Variants in PPL observed in about 807,000 individuals in gnomAD.
PPL encodes the protein periplakin.
A neutral mutation model predicts 194.4 loss-of-function variants in PPL; 198 were observed. The ratio of observed to expected loss-of-function variants is 1.02; its 90% confidence interval spans 0.91 to 1.15. The LOEUF is 1.15. Ranked by LOEUF, PPL falls within the 50% of genes most tolerant of loss-of-function variation. The pLI is 0.00. For synonymous variants in PPL, 1,220 were observed against 972.4 expected (o/e 1.25, Z -4.74); for missense variants, 2,885 against 2,294.8 (o/e 1.26, Z -5.25).
chr16:4,936,657 G>A (rs2089302856), intron 1 of PPL, among the ~76,000 whole-genome samples: 1 of 152,196 alleles, frequency 6.6e-6, no homozygotes, highest in Non-Finnish European at 1.5e-5. Context: ...CTCTGCGCAA[G>A]AGCGACCCTG....
At chr16:4,905,086 G>A (rs1013223807) in intron 2 of PPL, among the ~76,000 whole-genome samples, 20 of 152,128 alleles carry the variant, frequency 1.3e-4, no homozygotes, top group African/African-American at 4.8e-4. Flanking sequence ...CCCCAGTCCC[G>A]CAGGGGAGGC....
chr16:4,910,131 GC>G (rs1481986348), intron 2 of PPL, among the ~76,000 whole-genome samples: 7 of 152,272 alleles, frequency 4.6e-5, no homozygotes, highest in African/African-American at 1.4e-4. Flanking sequence ...GAGGCTTCAT[GC>G]CGTTGAGTCC....
chr16:4,900,264 A>G (rs1203139419), intron 6 of PPL, among the ~76,000 whole-genome samples: 1 of 152,086 alleles, frequency 6.6e-6, no homozygotes. Context: ...GTGGCATCAT[A>G]CTTGGCACAC....
intron 8 of PPL, 74 bp downstream of exon 8, chr16:4,898,939 C>T (rs561328654): frequency 5.4e-5 from 69 of 1,266,940 alleles, no homozygotes; most frequent in Non-Finnish European, 7.6e-5. Context: ...TCTGCCCGAG[C>T]TCCAGGCGGC....
rs751113704 is a variant in PPL, at chr16:4,883,628, C to T, written c.5027G>A (p.Arg1676His). The T allele has an allele frequency of 1.5e-5, 25 of 1,614,102 alleles. No homozygotes were observed. Among genetic ancestry groups the T allele is most frequent in the Admixed American group, 1.2e-4 (7 of 60,008 alleles). Residue 1676 changes from arginine (R) to histidine (H), a missense_variant, in exon 22 of 22, where the codon CGT becomes CAT. Transcript: ENST00000345988. The surrounding 1 kb of genome is among the most constrained non-coding windows in gnomAD (Gnocchi z 4.8). Reference protein sequence around the residue: ...GRELSPEEAHRAGLIDWNMFV... With the variant: ...GRELSPEEAHHAGLIDWNMFV... ...CATGTTCCAGTCAATGAGCCCGGCA[C>T]GGTGGGCTTCCTCCGGGGACAGCTC...
rs147949616 is a variant in PPL at position 4,888,896 on chromosome 16, G to A, written c.2397+82C>T. On this transcript the variant is annotated intron_variant, in intron 19 of 21. Coordinates refer to ENST00000345988, the MANE Select transcript of PPL (RefSeq NM_002705.5). ...AGCTCCACCCCCATGTGCCAGGGCC[G>A]GTGCTTGCTGCTTCTCTGACCAGGG... The A allele has an allele frequency of 7.3e-4, 997 of 1,369,420 alleles. 7 individuals are homozygous for A. The African/African-American group carries it at 0.012, about 16-fold the overall frequency. The allele number at this position is 1,369,420 out of a possible 1,614,324, so 84.8% of individuals were successfully genotyped here. A position where few individuals can be genotyped will look rare whatever the true frequency, so the allele number is the denominator to read the frequency against.
chr16:4,909,465 T>C (rs1343108757), intron 2 of PPL, among the ~76,000 whole-genome samples: 9 of 149,626 alleles, frequency 6.0e-5, no homozygotes, highest in Admixed American at 1.3e-4. Context: ...CTTACTCTGT[T>C]GCCCAGGCTG....
At chr16:4,900,802 G>A (rs1400018006) in intron 6 of PPL, 28 bp downstream of exon 6, 3 of 1,613,934 alleles carry the variant, frequency 1.9e-6, no homozygotes, top group Non-Finnish European at 2.5e-6. Flanking sequence ...CTCTCCCCAT[G>A]AGGCCTTTCC....
At chr16:4,900,166 C>T (rs891301373) in intron 6 of PPL, among the ~76,000 whole-genome samples, 2 of 152,090 alleles carry the variant, frequency 1.3e-5, no homozygotes, top group South Asian at 2.1e-4. Flanking sequence ...AACAAGGAAG[C>T]GTTTGCATAA....
chr16:4,891,746 G>A, intron 16 of PPL, 65 bp downstream of exon 16: 1 of 1,529,210 alleles, frequency 6.5e-7, no homozygotes, highest in Non-Finnish European at 8.8e-7. Flanking sequence ...AGACGGGCGG[G>A]TGGATGTGCC....
In PPL at chr16:4,885,965, T is replaced by C; in HGVS notation, c.2690A>G (p.Lys897Arg). 1.2e-6 allele frequency: 2 copies of C among 1,613,768 alleles called. No homozygotes were observed. Among genetic ancestry groups the C allele is most frequent in the Non-Finnish European group, 1.7e-6 (2 of 1,180,052 alleles). ...CCGCTCAGTCTCCTCATCCAGTTCC[T>C]TCCTGATCTTCCACGCCTCCTCCAC... ...SGVEEAWKIR[K>R]ELDEETERRR... The change falls in exon 22 of 22, where the codon AAG becomes AGG. Residue 897 changes from lysine to arginine, a missense_variant. Lys to Arg is a conservative substitution (Grantham distance 26, BLOSUM62 2). Transcript: ENST00000345988. This position sits in a 1 kb window ranked among gnomAD's most constrained non-coding sequence, Gnocchi z 6.3.
At chr16:4,899,414 C>A (rs1010192741) in intron 6 of PPL, 30 bp from the exon 7 acceptor site, 6 of 1,559,302 alleles carry the variant, frequency 3.8e-6, no homozygotes, top group Non-Finnish European at 5.2e-6. Flanking sequence ...GAAAGGGCTG[C>A]GTCCTCAGCC....
chr16:4,923,506 C>A (rs979079048), intron 1 of PPL, among the ~76,000 whole-genome samples: 1 of 152,182 alleles, frequency 6.6e-6, no homozygotes, highest in Non-Finnish European at 1.5e-5. Context: ...TGGAAGGGGG[C>A]TCCCTGGGTG....
At chr16:4,895,465 G>C (rs2088408428) in intron 10 of PPL, 58 bp from the exon 11 acceptor site, 1 of 1,605,842 alleles carries the variant, frequency 6.2e-7, no homozygotes, top group Admixed American at 1.7e-5. Flanking sequence ...CCTGGTGGGA[G>C]GACGCAGAGC....
chr16:4,894,920 C>T (rs1478387439), intron 11 of PPL, among the ~76,000 whole-genome samples: 1 of 152,220 alleles, frequency 6.6e-6, no homozygotes, highest in Non-Finnish European at 1.5e-5. Flanking sequence ...GACTGGCATT[C>T]GCCAGCCACA....
At chr16:4,892,505 T>A (rs2088339351) in intron 14 of PPL, among the ~76,000 whole-genome samples, 1 of 152,180 alleles carries the variant, frequency 6.6e-6, no homozygotes, top group Non-Finnish European at 1.5e-5. Flanking sequence ...CTGTTTAATC[T>A]TTGCGGCAAC....
In PPL at chr16:4,884,268, G is replaced by A. The variant is rs780605140; in HGVS notation, c.4387C>T (p.Arg1463Ter). The change falls in exon 22 of 22, where the codon CGA becomes TGA. Residue 1463 changes from arginine to a stop codon, truncating the protein, a stop_gained. Coordinates refer to ENST00000345988, the MANE Select transcript of PPL (RefSeq NM_002705.5). LOFTEE classifies it high-confidence loss of function. The surrounding 1 kb of genome is among the most constrained non-coding windows in gnomAD (Gnocchi z 5.7). ...TGCTGCTCTTCTTCCAGCTGGAGTC[G>A]GAGCAGGGCATGCTCTCGCGCCTGC... ...PQQAREHALL[R>*]LQLEEEQHRR... 6.8e-6 allele frequency: 11 copies of A among 1,612,772 alleles called. No individual in the cohort carries two copies. The highest frequency in any genetic ancestry group is 1.7e-5 in the Admixed American group (1 of 59,492).
At chr16:4,903,339 T>A (rs2088615198) in intron 3 of PPL, among the ~76,000 whole-genome samples, 1 of 152,104 alleles carries the variant, frequency 6.6e-6, no homozygotes, top group South Asian at 2.1e-4. Context: ...GTCAGGCTGG[T>A]GGCTCCAGAA....
intron 1 of PPL, among the ~76,000 whole-genome samples, chr16:4,935,966 C>T (rs2089292561): frequency 6.6e-6 from 1 of 152,182 alleles, no homozygotes; most frequent in South Asian, 2.1e-4. Context: ...CAAAATGGTC[C>T]TTGCTAGCCC....
Sources: allele counts gnomAD v4.1 joint callset (sites outside exome capture counted in the v4.1 genomes callset), GRCh38; gene constraint gnomAD v4.1.1; non-coding constraint Gnocchi (gnomAD v3.1); transcripts MANE v1.5; gene names NCBI Gene and HGNC (gene_info 2026-07-23, HGNC 2026-07-21).